Variants in SLC20A2 observed in about 807,000 individuals in gnomAD.
The protein encoded by SLC20A2 is sodium-dependent phosphate transporter 2.
A neutral mutation model predicts 61.0 loss-of-function variants in SLC20A2; 30 were observed. The ratio of observed to expected loss-of-function variants is 0.49; its 90% CI spans 0.37 to 0.67. The LOEUF (loss-of-function observed/expected upper bound fraction) is 0.67. SLC20A2 is among the 30% of genes least tolerant of loss of function. The probability of loss-of-function intolerance (pLI) is 0.00; values close to 1 mark genes in which losing one functional copy is unlikely to be tolerated. For synonymous variants in SLC20A2, 351 were observed against 353.3 expected (o/e 0.99, Z 0.07); for missense variants, 626 against 866.4 (o/e 0.72, Z 3.48).
chr8:42,488,610 A>C (rs1377749336), intron 1 of SLC20A2, among the ~76,000 whole-genome samples: 1 of 152,172 alleles, frequency 6.6e-6, no homozygotes, highest in Non-Finnish European at 1.5e-5. Context: ...GTTTCTGAGG[A>C]ACTGTCATAC....
chr8:42,477,086 C>T (rs551434703), intron 1 of SLC20A2, among the ~76,000 whole-genome samples: 1 of 152,154 alleles, frequency 6.6e-6, no homozygotes, highest in African/African-American at 2.4e-5. Flanking sequence ...CATAAGGCCC[C>T]GTCGCAGTTC....
intron 10 of SLC20A2, 122 bp downstream of exon 10, chr8:42,428,627 GACCTGGAGA>G (rs1803600429): frequency 1.5e-6 from 1 of 674,490 alleles, no homozygotes; most frequent in Non-Finnish European, 2.5e-6. Flanking sequence ...AGGTCCCGGA[GACCTGGAGA>G]ACCTGGAGCT....
At chr8:42,488,778 T>C (rs549232091) in intron 1 of SLC20A2, among the ~76,000 whole-genome samples, 2 of 152,316 alleles carry the variant, frequency 1.3e-5, no homozygotes, top group South Asian at 4.1e-4. Context: ...CATTGTGGTA[T>C]GATTTTTCAT....
chr8:42,429,759 T>C (rs1277605231), intron 9 of SLC20A2, among the ~76,000 whole-genome samples: 4 of 152,156 alleles, frequency 2.6e-5, no homozygotes, highest in African/African-American at 4.8e-5. Context: ...CCACCTGCCT[T>C]TGGCCCCCGT....
At chr8:42,489,805 C>T (rs891471784) in intron 1 of SLC20A2, among the ~76,000 whole-genome samples, 7 of 152,114 alleles carry the variant, frequency 4.6e-5, no homozygotes, top group African/African-American at 1.7e-4. Context: ...GTGTGTGGCT[C>T]GAAGACTCCT....
intron 6 of SLC20A2, among the ~76,000 whole-genome samples, chr8:42,443,259 T>A (rs1168266253): frequency 1.1e-5 from 1 of 94,298 alleles, no homozygotes; most frequent in African/African-American, 3.9e-5. Flanking sequence ...CAATTATTAT[T>A]ATAGGATATA....
intron 3 of SLC20A2, among the ~76,000 whole-genome samples, chr8:42,464,115 T>TTTTTTTTTTTTTG (rs1806948913): frequency 1.0e-5 from 1 of 96,706 alleles, no homozygotes; most frequent in Non-Finnish European, 2.1e-5. Flanking sequence ...TTTTTTTTTT[T>TTTTTTTTTTTTTG]TTTTTTTTGA....
chr8:42,526,990 A>C (rs1360632893), intron 1 of SLC20A2, among the ~76,000 whole-genome samples: 1 of 151,756 alleles, frequency 6.6e-6, no homozygotes, highest in Non-Finnish European at 1.5e-5. Context: ...CTATAGTACC[A>C]GCTACTTGGG....
At chr8:42,476,084 C>CTTTTT (rs11350697) in intron 1 of SLC20A2, among the ~76,000 whole-genome samples, 9 of 42,100 alleles carry the variant, frequency 2.1e-4, no homozygotes, top group Admixed American at 8.5e-4. Flanking sequence ...TTTACTGTGT[C>CTTTTT]TTTTTTTTTT....
intron 8 of SLC20A2, among the ~76,000 whole-genome samples, chr8:42,432,336 G>A (rs555344853): frequency 4.6e-5 from 7 of 152,336 alleles, no homozygotes; most frequent in Non-Finnish European, 1.0e-4. Context: ...GGAGTCTGGC[G>A]ATGTGACTGA....
At chr8:42,443,407 C>G (rs1444978563) in intron 6 of SLC20A2, among the ~76,000 whole-genome samples, 1 of 150,486 alleles carries the variant, frequency 6.6e-6, no homozygotes, top group African/African-American at 2.4e-5. Context: ...CTCTGCCCCC[C>G]CGGGTTCAAG....
chr8:42,484,987 A>G, intron 1 of SLC20A2: 1 of 290,944 alleles, frequency 3.4e-6, no homozygotes, highest in Non-Finnish European at 6.8e-6. Flanking sequence ...ATTTGGACCA[A>G]AGGGCACCCT....
At chr8:42,446,628 G>A (rs1805234401) in intron 5 of SLC20A2, among the ~76,000 whole-genome samples, 1 of 152,126 alleles carries the variant, frequency 6.6e-6, no homozygotes, top group South Asian at 2.1e-4. Context: ...ATATACACAT[G>A]GCATGATGCA....
chr8:42,471,806 C>T (rs530060756), intron 2 of SLC20A2, among the ~76,000 whole-genome samples: 118 of 152,276 alleles, frequency 7.7e-4, no homozygotes, highest in African/African-American at 2.6e-3. Context: ...AATAATAAAG[C>T]GCTGTTCTAC....
chr8:42,438,606 C>T (rs763332165), intron 7 of SLC20A2, among the ~76,000 whole-genome samples: 28 of 152,238 alleles, frequency 1.8e-4, no homozygotes, highest in Non-Finnish European at 3.5e-4. Context: ...CAGAACCCAC[C>T]TTGCAGAGGT....
chr8:42,502,016 C>T (rs1233407090), upstream of SLC20A2, among the ~76,000 whole-genome samples: 1 of 152,218 alleles, frequency 6.6e-6, no homozygotes, highest in Non-Finnish European at 1.5e-5. Flanking sequence ...TTAGTATCTA[C>T]TCAAGACGGT....
intron 6 of SLC20A2, among the ~76,000 whole-genome samples, chr8:42,443,084 T>G (rs1270774186): frequency 1.3e-5 from 2 of 151,004 alleles, no homozygotes; most frequent in African/African-American, 4.9e-5. Context: ...GTGTTTTATT[T>G]TTATTGCTTC....
chr8:42,526,141 A>G (rs1245710366), intron 1 of SLC20A2, among the ~76,000 whole-genome samples: 1 of 152,206 alleles, frequency 6.6e-6, no homozygotes, highest in Admixed American at 6.5e-5. Flanking sequence ...ACACGACCCC[A>G]GCAGAGTGAC....
At chr8:42,533,972 T>TA (rs1260924955) in intron 1 of SLC20A2, among the ~76,000 whole-genome samples, 2 of 152,084 alleles carry the variant, frequency 1.3e-5, no homozygotes, top group Non-Finnish European at 2.9e-5. Context: ...CCTCTCTTTG[T>TA]GCTTACTAGC....
Sources: gnomAD v4.1 joint callset for allele counts (sites outside exome capture counted in the v4.1 genomes callset) on GRCh38, gnomAD v4.1.1 for gene constraint, MANE v1.5 for transcripts, NCBI Gene and HGNC (gene_info 2026-07-23, HGNC 2026-07-21) for gene names.